MEX3C: variants seen among roughly 807,000 people sequenced by gnomAD.
MEX3C encodes mex-3 RNA binding family member C.
In MEX3C, 15 loss-of-function variants were observed where a neutral mutation model predicts 35.5. The observed-to-expected ratio is 0.42, with a 90% CI of 0.28 to 0.65. MEX3C has a LOEUF of 0.65. Among genes scored for constraint, MEX3C ranks in the 30% least tolerant of loss-of-function variants. The probability of loss-of-function intolerance (pLI) is 0.20; values close to 1 mark genes in which losing one functional copy is unlikely to be tolerated. For missense variants in MEX3C, 711 were observed against 842.8 expected (o/e 0.84, Z 1.94); for synonymous variants, 390 against 352.8 (o/e 1.11, Z -1.18).
rs199640159 is a variant in MEX3C, at chr18:51,196,230, C to CA, written c.754+336dup. On this transcript the variant is annotated intron_variant, in intron 1 of 1. Coordinates refer to ENST00000406189, the MANE Select transcript of MEX3C (RefSeq NM_016626.5). ...CTTTCCGTACCCAACAGCGAACCCA[C>CA]AACTCCTCGAGCCCGACCTTTTACC... is the stretch of plus-strand genomic sequence containing the variant. The CA allele has an allele frequency of 1.9e-3, 775 of 400,752 alleles. 2 individuals carry two copies. The highest frequency in any genetic ancestry group is 0.015 in the African/African-American group (715 of 46,622). 24.8% of individuals were successfully genotyped at this position (400,752 alleles called of 1,614,324 possible).
intron 1 of MEX3C, among the ~76,000 whole-genome samples, chr18:51,183,748 G>C (rs1452766404): frequency 1.3e-5 from 2 of 152,194 alleles, no homozygotes; most frequent in African/African-American, 4.8e-5. Flanking sequence ...GGAGGCTGAG[G>C]CCAGAGGACT....
In MEX3C at chr18:51,196,721, C is replaced by G. The variant is rs777879686; in HGVS notation, c.600G>C (p.Met200Ile). 9 of 1,533,342 alleles carry G rather than the reference C, an allele frequency of 5.9e-6. No individual in the cohort carries two copies. In the Admixed American group the frequency reaches 8.0e-5, roughly 14 times the overall value. The allele number at this position is 1,533,342 out of a possible 1,614,324, so 95.0% of individuals were successfully genotyped here. A position where few individuals can be genotyped will look rare whatever the true frequency, so the allele number is the denominator to read the frequency against. Residue 200 changes from methionine to isoleucine, a missense_variant, in exon 1 of 2, where the codon ATG (methionine) becomes ATC (isoleucine). Met to Ile is a conservative substitution (Grantham distance 10). Coordinates refer to ENST00000406189, the MANE Select transcript of MEX3C (RefSeq NM_016626.5). ...GDDAQGMMAA[M>I]LSHAYGPGGC... is the part of the protein sequence containing the mutation. ...CGCCGGGGCCGTAGGCGTGGGACAGCATCGCCGCCATCATGCCCTGGGCAT... is the reference window on the plus strand; with the variant it reads ...CGCCGGGGCCGTAGGCGTGGGACAGGATCGCCGCCATCATGCCCTGGGCAT...
rs181778782 is a variant in MEX3C, at chr18:51,196,374, G to A, written c.754+193C>T. The A allele has an allele frequency of 1.7e-3, 2,123 of 1,267,018 alleles. 8 individuals carry two copies. The highest frequency in any genetic ancestry group is 1.9e-3 in the Non-Finnish European group (1,823 of 956,322). The allele number at this position is 1,267,018 out of a possible 1,614,324, so 78.5% of individuals were successfully genotyped here. A position where few individuals can be genotyped will look rare whatever the true frequency, so the allele number is the denominator to read the frequency against. On this transcript the variant is annotated intron_variant, in intron 1 of 1. Coordinates refer to ENST00000406189, the MANE Select transcript of MEX3C (RefSeq NM_016626.5). Reference sequence around the variant, plus strand: ...CTTCACACTTTTTACCAGGCAAGACGGGCGGAAAAGCGTGGGTTTTCGCAA... The same window carrying A: ...CTTCACACTTTTTACCAGGCAAGACAGGCGGAAAAGCGTGGGTTTTCGCAA...
At chr18:51,190,149 C>A (rs1912623677) in intron 1 of MEX3C, among the ~76,000 whole-genome samples, 1 of 151,950 alleles carries the variant, frequency 6.6e-6, no homozygotes, top group Admixed American at 6.6e-5. Context: ...TAGGTTTTTT[C>A]CAGAAGAGAA....
Position 51,177,685 on chromosome 18 carries a change from T to C in MEX3C, c.755-109A>G. 7.9e-7 allele frequency: 1 copy of C among 1,264,288 alleles called. No homozygotes were observed. Among genetic ancestry groups the C allele is most frequent in the East Asian group, 2.4e-5 (1 of 41,602 alleles). The allele number at this position is 1,264,288 out of a possible 1,614,324, so 78.3% of individuals were successfully genotyped here. On this transcript the variant is annotated intron_variant, in intron 1 of 1. Coordinates refer to ENST00000406189, the MANE Select transcript of MEX3C (RefSeq NM_016626.5). The surrounding 1 kb of genome is among the most constrained non-coding windows in gnomAD (Gnocchi z 4.2). The stretch of plus-strand genomic sequence containing the variant: ...GCTAAATATCTGGTTATGGGTTAAG[T>C]TTTAGAGTTTTTCACATAGCTAGGA...
At chr18:51,190,572 T>C (rs941470295) in intron 1 of MEX3C, among the ~76,000 whole-genome samples, 3 of 152,202 alleles carry the variant, frequency 2.0e-5, no homozygotes, top group Non-Finnish European at 2.9e-5. Flanking sequence ...ACCAGGCTTC[T>C]CTGCATGCAA....
In MEX3C at chr18:51,190,603, T is replaced by C. The variant is rs537141522; in HGVS notation, c.754+5964A>G. ...TGCAATGAGGAATTGTAGTCCGTAC[T>C]TACCGGACAAGGGCAACAAACACTT... is the stretch of plus-strand genomic sequence containing the variant. On this transcript the variant is annotated intron_variant, in intron 1 of 1. Coordinates refer to ENST00000406189, the MANE Select transcript of MEX3C (RefSeq NM_016626.5). 5.9e-5 allele frequency among the ~76,000 whole-genome samples: 9 copies of C among 152,332 alleles called. No individual in the cohort carries two copies. The South Asian group carries it at 1.9e-3, about 32-fold the overall frequency.
At position 51,174,583 on chromosome 18, in the gene MEX3C, A is replaced by T. The variant is rs1181089496; in HGVS notation, c.*1768T>A. The T allele has an allele frequency of 1.3e-5, 2 of 152,654 alleles. No homozygotes were observed. The highest frequency in any genetic ancestry group is 2.9e-5 in the Non-Finnish European group (2 of 68,040). The allele number at this position is 152,654 out of a possible 1,614,324, so 9.5% of individuals were successfully genotyped here. ...AATGGAAACAAGTCTTTATTAAGTAACTTTTAATATCAGAAAAATAAAACT... is the reference window on the plus strand; with the variant it reads ...AATGGAAACAAGTCTTTATTAAGTATCTTTTAATATCAGAAAAATAAAACT... On this transcript the variant is annotated 3_prime_UTR_variant, in exon 2 of 2. Coordinates refer to ENST00000406189, the MANE Select transcript of MEX3C (RefSeq NM_016626.5).
intron 1 of MEX3C, among the ~76,000 whole-genome samples, chr18:51,188,323 C>T (rs1912580968): frequency 6.6e-6 from 1 of 152,084 alleles, no homozygotes; most frequent in Admixed American, 6.5e-5. Flanking sequence ...GCTGTTTGGC[C>T]AGTTGTGGTG....
rs1166443189 is a variant in MEX3C at position 51,177,138 on chromosome 18, T to C, written c.1193A>G (p.Tyr398Cys). Residue 398 changes from tyrosine to cysteine, a missense_variant, in exon 2 of 2, where the codon TAT becomes TGT. Around this residue, in one of 4 missense-constraint regions of MEX3C, gnomAD observed 187 missense variants for 201.7 expected, o/e 0.93. Transcript: ENST00000406189. This position sits in a 1 kb window ranked among gnomAD's most constrained non-coding sequence, Gnocchi z 4.2. ...EMHIAMRTGNYIELNEENDFH... is the reference protein window; with the variant it reads ...EMHIAMRTGNCIELNEENDFH... The stretch of plus-strand genomic sequence containing the variant: ...ATCATTCTCTTCATTGAGCTCTATA[T>C]AGTTTCCTGTACGCATGGCAATATG... 6.2e-7 allele frequency: 1 copy of C among 1,613,934 alleles called. No homozygotes were observed. Among genetic ancestry groups the C allele is most frequent in the Non-Finnish European group, 8.5e-7 (1 of 1,179,872 alleles).
Position 51,197,169 on chromosome 18 carries a change from C to T in MEX3C, c.152G>A (p.Arg51His). The change falls in exon 1 of 2, where the codon CGC (arginine) becomes CAC (histidine). Residue 51 changes from arginine to histidine, a missense_variant. Arg to His is a conservative substitution (Grantham distance 29). Coordinates refer to ENST00000406189, the MANE Select transcript of MEX3C (RefSeq NM_016626.5). ...LEGDGLLLRE[R>H]LAALGLDDPS... ...GTCGTCGAGGCCTAGCGCGGCCAAG[C>T]GCTCCCTCAGCAGGAGCCCGTCCCC... The T allele has an allele frequency of 9.6e-7, 1 of 1,044,382 alleles. No homozygotes were observed. Among genetic ancestry groups the T allele is most frequent in the Non-Finnish European group, 1.1e-6 (1 of 871,900 alleles). The allele number at this position is 1,044,382 out of a possible 1,614,324, so 64.7% of individuals were successfully genotyped here.
At chr18:51,183,561 C>T (rs1324816968) in intron 1 of MEX3C, among the ~76,000 whole-genome samples, 6 of 152,212 alleles carry the variant, frequency 3.9e-5, no homozygotes, top group Non-Finnish European at 7.3e-5. Flanking sequence ...TAAACAAACA[C>T]TAACCTAGGT....
At position 51,196,910 on chromosome 18, in the gene MEX3C, GT is replaced by G; in HGVS notation, c.410del (p.Asp137AlafsTer60). ...GCGACAGCAGCAGCAGCGACGACCG[GT>G]CCTCCTCCTCTGCTTCCTCCAGCTC... ...EEELEEAEEE[D>X]RSSLLLLSPP... On this transcript the variant is annotated frameshift_variant, in exon 1 of 2. Transcript: ENST00000406189. LOFTEE classifies it high-confidence loss of function. 1.3e-6 allele frequency: 2 copies of G among 1,543,072 alleles called. No individual in the cohort carries two copies. Among genetic ancestry groups the G allele is most frequent in the Non-Finnish European group, 1.7e-6 (2 of 1,145,964 alleles).
At position 51,177,497 on chromosome 18, in the gene MEX3C, A is replaced by G; in HGVS notation, c.834T>C (p.Val278=). 6.2e-7 allele frequency: 1 copy of G among 1,614,012 alleles called. No homozygotes were observed. Among genetic ancestry groups the G allele is most frequent in the Non-Finnish European group, 8.5e-7 (1 of 1,179,890 alleles). The change falls in exon 2 of 2, where the codon GTT becomes GTC. Residue 278 remains valine (V), a synonymous_variant. Coordinates refer to ENST00000406189, the MANE Select transcript of MEX3C (RefSeq NM_016626.5). The surrounding 1 kb of genome is among the most constrained non-coding windows in gnomAD (Gnocchi z 4.2). ...CAACATCTTCTTTCCTTCCAGTGAC[A>G]ACAAAAATGGGCTCTTCACCACGAA... ...TPVRGEEPIF[V]VTGRKEDVAM... is the part of the protein sequence containing the mutation.
At chr18:51,182,385 C>T (rs553011397) in intron 1 of MEX3C, among the ~76,000 whole-genome samples, 4 of 152,238 alleles carry the variant, frequency 2.6e-5, no homozygotes, top group African/African-American at 9.6e-5. Context: ...GAGGACTACA[C>T]TTCTTATAGC....
At chr18:51,181,617 T>A (rs1460352299) in intron 1 of MEX3C, among the ~76,000 whole-genome samples, 2 of 152,254 alleles carry the variant, frequency 1.3e-5, no homozygotes, top group East Asian at 3.8e-4. Context: ...TTCTACAATC[T>A]TCTTGTACAA....
At chr18:51,186,670 C>T (rs8096445) in intron 1 of MEX3C, among the ~76,000 whole-genome samples, 3,642 of 152,138 alleles carry the variant, frequency 0.024, 159 homozygotes, top group African/African-American at 0.081. Flanking sequence ...AGAGACAAGA[C>T]GGGGGACTCA....
chr18:51,189,939 A>AT (rs1332847998), intron 1 of MEX3C, among the ~76,000 whole-genome samples: 1 of 152,186 alleles, frequency 6.6e-6, no homozygotes, highest in African/African-American at 2.4e-5. Flanking sequence ...CTAAAATGAC[A>AT]TTTTTTGGCT....
At chr18:51,193,490 C>G (rs1187430738) in intron 1 of MEX3C, 1 of 152,098 alleles carries the variant, frequency 6.6e-6, no homozygotes, top group Admixed American at 6.5e-5. Context: ...TAAAATTAGA[C>G]CTGTTAATCA....
Sources: allele counts gnomAD v4.1 joint callset (sites outside exome capture counted in the v4.1 genomes callset), GRCh38; gene constraint gnomAD v4.1.1; regional missense constraint gnomAD v4.1.1; non-coding constraint Gnocchi (gnomAD v3.1); transcripts MANE v1.5; gene names NCBI Gene and HGNC (gene_info 2026-07-23, HGNC 2026-07-21).